ARHGAP21: variants seen among roughly 807,000 people sequenced by gnomAD.
The protein encoded by ARHGAP21 is rho GTPase-activating protein 21.
Under a neutral mutation model 164.6 loss-of-function variants are expected in ARHGAP21, and 38 were observed. The ratio of observed to expected loss-of-function variants is 0.23; its 90% CI spans 0.18 to 0.30. The LOEUF is 0.30. Ranked by LOEUF, ARHGAP21 falls within the 10% of genes least tolerant of loss-of-function variation. The probability of loss-of-function intolerance (pLI) is 1.00; values close to 1 mark genes in which losing one functional copy is unlikely to be tolerated. For missense variants in ARHGAP21, 1,822 were observed against 2,370.7 expected (o/e 0.77, Z 4.81); for synonymous variants, 766 against 857.9 (o/e 0.89, Z 1.87).
intron 4 of ARHGAP21, among the ~76,000 whole-genome samples, chr10:24,643,226 C>CAG (rs1329833750): frequency 6.6e-6 from 1 of 152,222 alleles, no homozygotes; most frequent in Non-Finnish European, 1.5e-5. Flanking sequence ...AGAATCCTGG[C>CAG]ATCTGCCTTC....
intron 14 of ARHGAP21, among the ~76,000 whole-genome samples, chr10:24,598,397 A>G (rs941704210): frequency 6.6e-5 from 10 of 152,254 alleles, no homozygotes; most frequent in African/African-American, 2.4e-4. Flanking sequence ...CTTCAAAAAG[A>G]AAAACAAATA....
chr10:24,694,403 C>T (rs539741668), intron 2 of ARHGAP21, among the ~76,000 whole-genome samples: 4 of 152,362 alleles, frequency 2.6e-5, no homozygotes, highest in East Asian at 1.9e-4. Flanking sequence ...AGTGGCTCCC[C>T]GTGCCTAGAC....
intron 4 of ARHGAP21, among the ~76,000 whole-genome samples, chr10:24,663,050 G>A (rs1207734872): frequency 6.6e-6 from 1 of 151,780 alleles, no homozygotes; most frequent in African/African-American, 2.4e-5. Flanking sequence ...GTTCCACAGG[G>A]TCTATTACAG....
chr10:24,634,776 G>A (rs183980156), intron 5 of ARHGAP21, among the ~76,000 whole-genome samples: 1 of 152,162 alleles, frequency 6.6e-6, no homozygotes, highest in Admixed American at 6.5e-5. Flanking sequence ...TCTATCATCT[G>A]TGTGGTAATT....
At chr10:24,651,701 C>A (rs1304710436) in intron 4 of ARHGAP21, among the ~76,000 whole-genome samples, 1 of 152,166 alleles carries the variant, frequency 6.6e-6, no homozygotes, top group Non-Finnish European at 1.5e-5. Flanking sequence ...TGATCTACTA[C>A]ATTAAGTGAT....
intron 22 of ARHGAP21, 21 bp downstream of exon 22, chr10:24,591,866 A>G (rs753210280): frequency 1.3e-6 from 2 of 1,598,602 alleles, no homozygotes; most frequent in South Asian, 2.3e-5. Context: ...ATGAACTTAC[A>G]GAGATGAAGC....
chr10:24,590,299 A>C (rs2076275623), intron 24 of ARHGAP21: 1 of 1,533,996 alleles, frequency 6.5e-7, no homozygotes, highest in South Asian at 1.2e-5. Context: ...CAATAATCTT[A>C]TGAGAAACTT....
intron 4 of ARHGAP21, chr10:24,648,779 CAAAAAAA>C: frequency 1.1e-6 from 1 of 881,252 alleles, no homozygotes; most frequent in Non-Finnish European, 1.3e-6. Flanking sequence ...AACTCTGTCT[CAAAAAAA>C]AAAAAAAAAA....
chr10:24,660,364 C>T (rs1839546617), intron 4 of ARHGAP21, among the ~76,000 whole-genome samples: 1 of 112,256 alleles, frequency 8.9e-6, no homozygotes, highest in South Asian at 3.1e-4. Context: ...AGCCTGGGCA[C>T]AGAGCAACAC....
At chr10:24,602,700 T>C (rs1265471998) in intron 12 of ARHGAP21, among the ~76,000 whole-genome samples, 2 of 152,270 alleles carry the variant, frequency 1.3e-5, no homozygotes, top group East Asian at 3.9e-4. Flanking sequence ...GGGGAGTAAC[T>C]GATCACCCAG....
At chr10:24,714,064 A>T (rs746172105) in intron 2 of ARHGAP21, among the ~76,000 whole-genome samples, 2 of 152,240 alleles carry the variant, frequency 1.3e-5, no homozygotes, top group African/African-American at 4.8e-5. Flanking sequence ...AAATAGTAGG[A>T]CAATCTTTAA....
At chr10:24,654,786 A>T in intron 4 of ARHGAP21, among the ~76,000 whole-genome samples, 1 of 152,232 alleles carries the variant, frequency 6.6e-6, no homozygotes, top group Non-Finnish European at 1.5e-5. Flanking sequence ...ATTCATATGG[A>T]ACCAAAAAAG....
chr10:24,630,127 A>C, intron 6 of ARHGAP21, 77 bp from the exon 7 acceptor site: 1 of 735,888 alleles, frequency 1.4e-6, no homozygotes, highest in Non-Finnish European at 2.1e-6. Context: ...CAGTTAACTC[A>C]GAAGTATTTT....
intron 7 of ARHGAP21, chr10:24,628,906 C>CAT (rs1554977682): frequency 1.6e-5 from 1 of 62,310 alleles, no homozygotes; most frequent in African/African-American, 5.6e-5. Context: ...TACATATATA[C>CAT]ACATATATAC....
chr10:24,610,866 T>C (rs897063592), intron 9 of ARHGAP21, among the ~76,000 whole-genome samples: 1 of 151,876 alleles, frequency 6.6e-6, no homozygotes, highest in African/African-American at 2.4e-5. Flanking sequence ...GCGAAACACA[T>C]GAAAAGACAA....
intron 2 of ARHGAP21, among the ~76,000 whole-genome samples, chr10:24,676,626 C>T (rs1375437273): frequency 1.3e-5 from 2 of 152,090 alleles, no homozygotes; most frequent in African/African-American, 2.4e-5. Flanking sequence ...CAGACTTCAC[C>T]CCTACGCAAT....
At chr10:24,655,551 G>C (rs1198910284) in intron 4 of ARHGAP21, among the ~76,000 whole-genome samples, 5 of 152,044 alleles carry the variant, frequency 3.3e-5, no homozygotes, top group Admixed American at 2.0e-4. Flanking sequence ...GGAGCGGACG[G>C]GCCCCGCGGG....
intron 2 of ARHGAP21, among the ~76,000 whole-genome samples, chr10:24,683,466 C>T (rs972146259): frequency 9.9e-5 from 15 of 151,424 alleles, no homozygotes; most frequent in Non-Finnish European, 1.8e-4. Context: ...CTTTCTCTCT[C>T]TGATTTACTT....
chr10:24,621,438 T>C, intron 8 of ARHGAP21, 69 bp from the exon 9 acceptor site: 3 of 1,377,932 alleles, frequency 2.2e-6, no homozygotes, highest in Non-Finnish European at 2.9e-6. Flanking sequence ...ATTTTTACAG[T>C]GCACTATTTT....
Sources: allele counts gnomAD v4.1 joint callset (sites outside exome capture counted in the v4.1 genomes callset), GRCh38; gene constraint gnomAD v4.1.1; transcripts MANE v1.5; gene names NCBI Gene and HGNC (gene_info 2026-07-23, HGNC 2026-07-21).